The following ADAMTS16 variants were observed in gnomAD, a reference collection of about 807,000 sequenced individuals.
The protein encoded by ADAMTS16 is A disintegrin and metalloproteinase with thrombospondin motifs 16.
A neutral mutation model predicts 145.8 loss-of-function variants in ADAMTS16; 94 were observed. The observed-to-expected ratio is 0.64, with a 90% CI of 0.55 to 0.77. The LOEUF is 0.77. Ranked by LOEUF, ADAMTS16 falls within the 30% of genes least tolerant of loss-of-function variation. The pLI, the probability that ADAMTS16 is intolerant of heterozygous loss-of-function variation, is 0.00. For synonymous variants in ADAMTS16, 659 were observed against 604.3 expected (o/e 1.09, Z -1.33); for missense variants, 1,585 against 1,591.5 (o/e 1.00, Z 0.07).
At chr5:5,254,526 C>T (rs1261586573) in intron 17 of ADAMTS16, among the ~76,000 whole-genome samples, 1 of 152,052 alleles carries the variant, frequency 6.6e-6, no homozygotes, top group Non-Finnish European at 1.5e-5. Context: ...CATAAACACA[C>T]AAACTCATAC....
chr5:5,206,183 T>G (rs998953207), intron 9 of ADAMTS16, among the ~76,000 whole-genome samples: 4 of 151,458 alleles, frequency 2.6e-5, no homozygotes, highest in Admixed American at 2.6e-4. Flanking sequence ...TCCCAGCACT[T>G]TGGGAGGCCG....
At chr5:5,264,231 A>G (rs753319829) in intron 18 of ADAMTS16, among the ~76,000 whole-genome samples, 5 of 152,282 alleles carry the variant, frequency 3.3e-5, no homozygotes, top group Admixed American at 6.5e-5. Flanking sequence ...TGTGGGTTTC[A>G]GATTCTTTTT....
intron 10 of ADAMTS16, among the ~76,000 whole-genome samples, chr5:5,215,803 TA>T (rs1319893449): frequency 7.6e-6 from 1 of 130,910 alleles, no homozygotes; most frequent in Non-Finnish European, 1.6e-5. Context: ...GTGGTATATA[TA>T]TGTGTGGTAT....
intron 22 of ADAMTS16, among the ~76,000 whole-genome samples, chr5:5,318,569 C>G (rs1348582949): frequency 6.6e-6 from 1 of 152,138 alleles, no homozygotes; most frequent in Non-Finnish European, 1.5e-5. Context: ...AGCTTTTCTC[C>G]CTAGGATAAA....
chr5:5,233,279 A>G (rs1011136724), intron 12 of ADAMTS16, among the ~76,000 whole-genome samples: 15 of 152,346 alleles, frequency 9.8e-5, no homozygotes, highest in Non-Finnish European at 1.8e-4. Flanking sequence ...AGAAGTAAGA[A>G]TGAATGTGAG....
intron 3 of ADAMTS16, among the ~76,000 whole-genome samples, chr5:5,153,660 G>A (rs774931302): frequency 6.6e-6 from 1 of 152,098 alleles, no homozygotes; most frequent in Non-Finnish European, 1.5e-5. Context: ...AGTGAGGGTT[G>A]TTTAAAAATG....
At chr5:5,246,268 G>A (rs1305998750) in intron 17 of ADAMTS16, among the ~76,000 whole-genome samples, 1 of 152,118 alleles carries the variant, frequency 6.6e-6, no homozygotes, top group Non-Finnish European at 1.5e-5. Flanking sequence ...CATGTATGCT[G>A]TAATGTCTGG....
At chr5:5,276,580 ATTC>A (rs964894072) in intron 18 of ADAMTS16, among the ~76,000 whole-genome samples, 7 of 152,214 alleles carry the variant, frequency 4.6e-5, no homozygotes, top group Non-Finnish European at 1.0e-4. Flanking sequence ...TTCTGTGCAC[ATTC>A]TTCAAGGGGT....
At chr5:5,171,540 T>C (rs1446740332) in intron 3 of ADAMTS16, among the ~76,000 whole-genome samples, 1 of 152,246 alleles carries the variant, frequency 6.6e-6, no homozygotes, top group Non-Finnish European at 1.5e-5. Flanking sequence ...TATATGGTTT[T>C]TGTCCTTCAT....
rs115149137 is a variant in ADAMTS16, at chr5:5,233,611, G to C, written c.1850+1095G>C. Among the ~76,000 whole-genome samples the C allele has an allele frequency of 9.6e-3, 1,453 of 152,116 alleles. 8 individuals carry two copies. Among genetic ancestry groups the C allele is most frequent in the Non-Finnish European group, 0.015 (1,038 of 68,002 alleles). Reference sequence around the variant, plus strand: ...GCGGTATTTGGTTTTCTGTCCCTGCGTTAGCTTATTAAGGATAAAGGTCTC... The same window carrying C: ...GCGGTATTTGGTTTTCTGTCCCTGCCTTAGCTTATTAAGGATAAAGGTCTC... On this transcript the variant is annotated intron_variant, in intron 12 of 22. Coordinates refer to ENST00000274181, the MANE Select transcript of ADAMTS16 (RefSeq NM_139056.4).
intron 3 of ADAMTS16, among the ~76,000 whole-genome samples, chr5:5,160,471 G>A (rs776029277): frequency 1.3e-5 from 2 of 152,048 alleles, no homozygotes; most frequent in African/African-American, 4.8e-5. Flanking sequence ...TGAAAAGTTA[G>A]AGCAATACCT....
chr5:5,170,971 A>G (rs552020345), intron 3 of ADAMTS16, among the ~76,000 whole-genome samples: 7 of 152,256 alleles, frequency 4.6e-5, no homozygotes, highest in Non-Finnish European at 8.8e-5. Flanking sequence ...TAATGTTTTA[A>G]TAGTAGAGAT....
At chr5:5,198,214 T>A (rs1170662114) in intron 8 of ADAMTS16, among the ~76,000 whole-genome samples, 1 of 152,268 alleles carries the variant, frequency 6.6e-6, no homozygotes, top group East Asian at 1.9e-4. Flanking sequence ...AGTTTGGTAT[T>A]TCGTGTTCCT....
At chr5:5,205,765 T>A (rs1382292628) in intron 9 of ADAMTS16, among the ~76,000 whole-genome samples, 1 of 152,226 alleles carries the variant, frequency 6.6e-6, no homozygotes, top group African/African-American at 2.4e-5. Flanking sequence ...CAGATTTTTG[T>A]CCACTTTTTG....
At chr5:5,219,377 A>T in intron 10 of ADAMTS16, among the ~76,000 whole-genome samples, 1 of 152,040 alleles carries the variant, frequency 6.6e-6, no homozygotes, top group Non-Finnish European at 1.5e-5. Flanking sequence ...ACTCCTCTTT[A>T]TTCCTCCCAT....
At chr5:5,233,644 C>T (rs930771344) in intron 12 of ADAMTS16, among the ~76,000 whole-genome samples, 2 of 152,176 alleles carry the variant, frequency 1.3e-5, no homozygotes, top group African/African-American at 4.8e-5. Context: ...CTCCAGGCTC[C>T]ATCCATGTTC....
intron 18 of ADAMTS16, among the ~76,000 whole-genome samples, chr5:5,277,295 T>C (rs1325895287): frequency 1.3e-5 from 2 of 152,226 alleles, no homozygotes; most frequent in Non-Finnish European, 2.9e-5. Context: ...TAATATATAC[T>C]ACAGCATGTG....
chr5:5,185,846 A>G (rs1735480858), intron 4 of ADAMTS16, among the ~76,000 whole-genome samples: 1 of 152,204 alleles, frequency 6.6e-6, no homozygotes, highest in African/African-American at 2.4e-5. Context: ...TACAGCCATG[A>G]TTTCCATGAT....
At chr5:5,264,049 G>T (rs1352229764) in intron 18 of ADAMTS16, among the ~76,000 whole-genome samples, 1 of 152,158 alleles carries the variant, frequency 6.6e-6, no homozygotes, top group African/African-American at 2.4e-5. Flanking sequence ...CCCAAGTCAG[G>T]CCATCTCCCC....
Sources: gnomAD v4.1 joint callset for allele counts (sites outside exome capture counted in the v4.1 genomes callset) on GRCh38, gnomAD v4.1.1 for gene constraint, MANE v1.5 for transcripts, NCBI Gene and HGNC (gene_info 2026-07-23, HGNC 2026-07-21) for gene names.